The following TMTC3 variants were observed in gnomAD, a reference collection of about 807,000 sequenced individuals.
TMTC3 encodes the protein transmembrane O-mannosyltransferase targeting cadherins 3, also known as protein O-mannosyl-transferase TMTC3.
TMTC3 carries 52 observed loss-of-function variants against 92.2 expected under a neutral mutation model. The observed-to-expected ratio is 0.56, with a 90% confidence interval of 0.45 to 0.71. The LOEUF (loss-of-function observed/expected upper bound fraction) is 0.71. Ranked by LOEUF, TMTC3 falls within the 30% of genes least tolerant of loss-of-function variation. TMTC3 has a pLI of 0.00. For missense variants in TMTC3, 896 were observed against 1,057.1 expected (o/e 0.85, Z 2.11); for synonymous variants, 339 against 363.3 (o/e 0.93, Z 0.76).
At position 88,172,692 on chromosome 12, in the gene TMTC3, C is replaced by T. The variant is rs1386440197; in HGVS notation, c.1146C>T (p.Ser382=). 2.5e-6 allele frequency: 4 copies of T among 1,601,744 alleles called. No individual in the cohort carries two copies. The highest frequency in any genetic ancestry group is 3.4e-6 in the Non-Finnish European group (4 of 1,175,078). Residue 382 remains serine, a synonymous_variant, in exon 8 of 14, where the codon AGC becomes AGT. Transcript: ENST00000266712. ...VVAERVLYVP[S]MGFCILVAHG... ...CCGAGCGAGTATTATATGTTCCCAG[C>T]ATGGGGTTCTGTATTTTGGTAGCCC...
At position 88,199,867 on chromosome 12, in the gene TMTC3, A is replaced by AAAAT. The variant is rs1257020404; in HGVS notation, c.*4221_*4224dup. On this transcript the variant is annotated 3_prime_UTR_variant, in exon 14 of 14. Transcript: ENST00000266712. ...ATGCTTTCATGTTTCTGCCTTAAAT[A>AAAAT]AAATAACCCTCAAAAAACCATTCTA... 1.3e-5 allele frequency: 2 copies of AAAAT among 152,192 alleles called. No individual in the cohort carries two copies. Among genetic ancestry groups the AAAAT allele is most frequent in the East Asian group, 1.9e-4 (1 of 5,190 alleles). The allele number at this position is 152,192 out of a possible 1,614,324, so 9.4% of individuals were successfully genotyped here. A position where few individuals can be genotyped will look rare whatever the true frequency, so the allele number is the denominator to read the frequency against.
At chr12:88,156,816 T>G (rs1330133710) in intron 4 of TMTC3, among the ~76,000 whole-genome samples, 5 of 150,744 alleles carry the variant, frequency 3.3e-5, no homozygotes, top group African/African-American at 1.2e-4. Flanking sequence ...TGTGTGTTTT[T>G]TTTTTTTTTT....
chr12:88,175,185 A>C (rs926271680), intron 9 of TMTC3, among the ~76,000 whole-genome samples: 1 of 152,176 alleles, frequency 6.6e-6, no homozygotes, highest in African/African-American at 2.4e-5. Context: ...CGAAAAAAAA[A>C]AGGCACCCAA....
At chr12:88,153,651 C>T (rs1397577076) in intron 3 of TMTC3, 142 bp downstream of exon 3, 3 of 515,954 alleles carry the variant, frequency 5.8e-6, no homozygotes, top group East Asian at 3.1e-5. Context: ...TAAATTCGTA[C>T]AGTTAATTCT....
At chr12:88,185,333 ACT>A (rs1009049368) in intron 10 of TMTC3, among the ~76,000 whole-genome samples, 13 of 146,728 alleles carry the variant, frequency 8.9e-5, no homozygotes, top group African/African-American at 3.3e-4. Context: ...TACTCTATGG[ACT>A]CTCTCTTTTT....
chr12:88,166,987 G>T (rs1262267616), intron 7 of TMTC3, among the ~76,000 whole-genome samples: 2 of 108,710 alleles, frequency 1.8e-5, no homozygotes, highest in African/African-American at 3.1e-5. Flanking sequence ...CTGATTATTT[G>T]AACAGTTTTT....
chr12:88,147,338 C>T (rs1185905282), intron 1 of TMTC3, among the ~76,000 whole-genome samples: 1 of 151,996 alleles, frequency 6.6e-6, no homozygotes, highest in African/African-American at 2.4e-5. Context: ...TTGATGTTAC[C>T]AAGCCAGTGG....
intron 10 of TMTC3, among the ~76,000 whole-genome samples, chr12:88,182,436 C>T (rs2041328580): frequency 6.6e-6 from 1 of 152,072 alleles, no homozygotes; most frequent in East Asian, 1.9e-4. Context: ...TAGTTATGCC[C>T]AAGATGGGGC....
In TMTC3 at chr12:88,160,803, T is replaced by C; in HGVS notation, c.749T>C (p.Val250Ala). ...IVLMFSTLLL[V>A]VIRVQVIQSQ... is the part of the protein sequence containing the mutation. The stretch of plus-strand genomic sequence containing the variant: ...TTGATGTTCAGTACATTATTACTTG[T>C]TGTGATTAGAGTCCAGGTTATTCAA... Residue 250 changes from valine (V) to alanine (A), a missense_variant, in exon 6 of 14, where the codon GTT (valine) becomes GCT (alanine). By Grantham distance (64) the Val-to-Ala change is moderately conservative (BLOSUM62 0). Coordinates refer to ENST00000266712, the MANE Select transcript of TMTC3 (RefSeq NM_181783.4). 1 of 1,613,392 alleles carries C rather than the reference T, an allele frequency of 6.2e-7. No individual in the cohort carries two copies. Among genetic ancestry groups the C allele is most frequent in the Non-Finnish European group, 8.5e-7 (1 of 1,179,644 alleles).
intron 1 of TMTC3, among the ~76,000 whole-genome samples, chr12:88,144,036 G>T (rs2040837400): frequency 6.6e-6 from 1 of 152,186 alleles, no homozygotes. Context: ...TATAATTAGT[G>T]TATAATGAGC....
At position 88,148,296 on chromosome 12, in the gene TMTC3, C is replaced by T; in HGVS notation, c.-20C>T. 6.4e-7 allele frequency: 1 copy of T among 1,570,940 alleles called. No individual in the cohort carries two copies. The highest frequency in any genetic ancestry group is 8.6e-7 in the Non-Finnish European group (1 of 1,158,012). ...CATGATTTTTTTTCCAGTTTTTGTC[C>T]AGAAGTGCTTATAGAAAAGATGGCT... On this transcript the variant is annotated 5_prime_UTR_variant, in exon 2 of 14. Coordinates refer to ENST00000266712, the MANE Select transcript of TMTC3 (RefSeq NM_181783.4).
At chr12:88,175,898 T>G (rs1386722683) in intron 9 of TMTC3, among the ~76,000 whole-genome samples, 3 of 152,224 alleles carry the variant, frequency 2.0e-5, no homozygotes, top group Non-Finnish European at 4.4e-5. Flanking sequence ...TTCCAGTGCT[T>G]TTGCTCCTAA....
intron 6 of TMTC3, among the ~76,000 whole-genome samples, chr12:88,164,759 A>G (rs1175167095): frequency 6.6e-6 from 1 of 152,204 alleles, no homozygotes; most frequent in Non-Finnish European, 1.5e-5. Flanking sequence ...ATTATGTTAC[A>G]TGATCGTGCA....
At chr12:88,157,698 T>G (rs548601133) in intron 4 of TMTC3, among the ~76,000 whole-genome samples, 2 of 152,294 alleles carry the variant, frequency 1.3e-5, no homozygotes. Flanking sequence ...CTTTTACACA[T>G]GTAGAGTCAG....
At position 88,159,504 on chromosome 12, in the gene TMTC3, A is replaced by T. The variant is rs1294193013; in HGVS notation, c.509-610A>T. The stretch of plus-strand genomic sequence containing the variant: ...AGCAACACCCTGTCTCTACAGAAAT[A>T]AAAAAAAAAATAGCCAGATGTGGTG... On this transcript the variant is annotated intron_variant, in intron 4 of 13. Transcript: ENST00000266712. 2.7e-5 allele frequency among the ~76,000 whole-genome samples: 4 copies of T among 146,392 alleles called. No individual in the cohort carries two copies. The South Asian group carries it at 6.5e-4, about 24-fold the overall frequency.
At chr12:88,183,735 A>C (rs987218271) in intron 10 of TMTC3, among the ~76,000 whole-genome samples, 1 of 152,142 alleles carries the variant, frequency 6.6e-6, no homozygotes, top group African/African-American at 2.4e-5. Flanking sequence ...TCAGAGCCCT[A>C]TGTCTAGCAT....
chr12:88,160,615 A>G (rs2041065074), intron 5 of TMTC3, 64 bp from the exon 6 acceptor site: 2 of 1,383,238 alleles, frequency 1.4e-6, no homozygotes, highest in Non-Finnish European at 2.0e-6. Context: ...AGAAAGTACT[A>G]CAGTATTGAA....
In TMTC3 at chr12:88,199,389, T is replaced by TATTA. The variant is rs944835069; in HGVS notation, c.*3743_*3746dup. ...ATATATTTATATGATATATTGTATA[T>TATTA]ATTAATATATTTAAATTGCTTAGAG... is the stretch of plus-strand genomic sequence containing the variant. On this transcript the variant is annotated 3_prime_UTR_variant, in exon 14 of 14. Coordinates refer to ENST00000266712, the MANE Select transcript of TMTC3 (RefSeq NM_181783.4). 1 of 132,764 alleles carries TATTA rather than the reference T, an allele frequency of 7.5e-6. No individual in the cohort carries two copies. Among genetic ancestry groups the TATTA allele is most frequent in the East Asian group, 1.9e-4 (1 of 5,190 alleles). 8.2% of individuals were successfully genotyped at this position (132,764 alleles called of 1,614,324 possible).
chr12:88,167,747 C>T (rs1455336053), intron 7 of TMTC3, among the ~76,000 whole-genome samples: 1 of 152,162 alleles, frequency 6.6e-6, no homozygotes, highest in Admixed American at 6.6e-5. Context: ...GTTGAGTTTG[C>T]ATTACTGTTG....
Sources: gnomAD v4.1 joint callset for allele counts (sites outside exome capture counted in the v4.1 genomes callset) on GRCh38, gnomAD v4.1.1 for gene constraint, MANE v1.5 for transcripts, NCBI Gene and HGNC (gene_info 2026-07-23, HGNC 2026-07-21) for gene names.